The following USP34 variants were observed in gnomAD, a reference collection of about 807,000 sequenced individuals.
The protein encoded by USP34 is ubiquitin carboxyl-terminal hydrolase 34.
In USP34, 70 loss-of-function variants were observed where a neutral mutation model predicts 460.3. That is an observed-to-expected ratio of 0.15 (90% CI 0.13 to 0.19). USP34 has a LOEUF of 0.19. Among genes scored for constraint, USP34 ranks in the 10% least tolerant of loss-of-function variants. USP34 has a pLI of 1.00. For missense variants in USP34, 3,985 were observed against 4,236.2 expected, an observed-to-expected ratio of 0.94 and a Z score of 1.65; for synonymous variants, 1,647 against 1,405.3, an observed-to-expected ratio of 1.17 and a Z score of -3.85.
intron 48 of USP34, among the ~76,000 whole-genome samples, chr2:61,252,504 C>T (rs572503114): frequency 6.6e-6 from 1 of 152,068 alleles, no homozygotes; most frequent in Non-Finnish European, 1.5e-5. Flanking sequence ...TATACAAACT[C>T]TGATTTACAA....
Position 61,319,455 on chromosome 2 carries a change from T to A in USP34, c.3014-128A>T, listed in dbSNP as rs147971847. 10 of 509,894 alleles carry A rather than the reference T, an allele frequency of 2.0e-5. No individual in the cohort carries two copies. The Admixed American group carries it at 2.5e-4, about 13-fold the overall frequency. 31.6% of individuals were successfully genotyped at this position (509,894 alleles called of 1,614,324 possible). A position where few individuals can be genotyped will look rare whatever the true frequency, so the allele number is the denominator to read the frequency against. ...AGGTTCTTGGAAATTGCAATTTTAA[T>A]TGAAATGATGCATAATGAAACTAAC... On this transcript the variant is annotated intron_variant, in intron 21 of 79. Transcript: ENST00000398571.
chr2:61,251,153 A>T (rs1373167360), intron 48 of USP34, among the ~76,000 whole-genome samples: 1 of 152,158 alleles, frequency 6.6e-6, no homozygotes, highest in Non-Finnish European at 1.5e-5. Context: ...AAATAAATAA[A>T]TAAATAAGTA....
intron 1 of USP34, among the ~76,000 whole-genome samples, chr2:61,458,916 A>G (rs1407319229): frequency 6.6e-6 from 1 of 151,996 alleles, no homozygotes; most frequent in Non-Finnish European, 1.5e-5. Flanking sequence ...ATTTACAAAA[A>G]TGAGCCGGGC....
intron 75 of USP34, among the ~76,000 whole-genome samples, chr2:61,202,292 T>C (rs975089794): frequency 3.3e-5 from 5 of 152,126 alleles, no homozygotes; most frequent in African/African-American, 1.2e-4. Context: ...GGTATGGCAA[T>C]ATTTTATTTC....
chr2:61,352,587 C>G (rs1691972602), intron 10 of USP34, among the ~76,000 whole-genome samples: 1 of 149,886 alleles, frequency 6.7e-6, no homozygotes, highest in Non-Finnish European at 1.5e-5. Flanking sequence ...CTCAGCCTCG[C>G]AAAGTGCTGA....
In USP34 at chr2:61,405,853, T is replaced by C. The variant is rs748224585; in HGVS notation, c.407A>G (p.Glu136Gly). ...SNSTRICNLT[E>G]EESSKSSDPF... ...ATCAGAACTCTTTGAAGATTCCTCC[T>C]CAGTCAGATTACAAATTCTTGTAGA... The change falls in exon 3 of 80, where the codon GAG becomes GGG. Residue 136 changes from glutamate to glycine, a missense_variant. Physicochemically the swap from Glu to Gly is moderately conservative, Grantham distance 98. Around this residue, in one of 14 missense-constraint regions of USP34, gnomAD observed 331 missense variants for 293.7 expected, o/e 1.13. Transcript: ENST00000398571. The C allele has an allele frequency of 6.2e-7, 1 of 1,613,944 alleles. No individual in the cohort carries two copies. Among genetic ancestry groups the C allele is most frequent in the South Asian group, 1.1e-5 (1 of 91,064 alleles).
chr2:61,297,931 C>G (rs1466238517), intron 29 of USP34, among the ~76,000 whole-genome samples: 1 of 152,014 alleles, frequency 6.6e-6, no homozygotes, highest in African/African-American at 2.4e-5. Context: ...AAGCAACCCT[C>G]GAGTAACACT....
chr2:61,298,406 C>T (rs1475172451), intron 29 of USP34, among the ~76,000 whole-genome samples: 3 of 143,262 alleles, frequency 2.1e-5, no homozygotes, highest in African/African-American at 2.6e-5. Flanking sequence ...GGCGTGGTGG[C>T]GTGCGCCTGT....
intron 8 of USP34, among the ~76,000 whole-genome samples, chr2:61,371,737 A>C (rs1257555741): frequency 6.6e-6 from 1 of 152,162 alleles, no homozygotes; most frequent in Non-Finnish European, 1.5e-5. Context: ...ATCACTCACC[A>C]ACTCACCCAG....
At position 61,375,298 on chromosome 2, in the gene USP34, G is replaced by A. The variant is rs148412424; in HGVS notation, c.1076+3065C>T. ...GGAAACCTCCTACAATGCTAGTGGG[G>A]ATGTAAAATAATGCAGGTATACTGG... On this transcript the variant is annotated intron_variant, in intron 8 of 79. Coordinates refer to ENST00000398571, the MANE Select transcript of USP34 (RefSeq NM_014709.4). Among the ~76,000 whole-genome samples, 564 of 152,268 alleles carry A rather than the reference G, an allele frequency of 3.7e-3. 25 individuals are homozygous for A. The East Asian group carries it at 0.097, about 26-fold the overall frequency.
chr2:61,321,961 G>A (rs1266726999), intron 21 of USP34, among the ~76,000 whole-genome samples: 1 of 152,202 alleles, frequency 6.6e-6, no homozygotes, highest in East Asian at 1.9e-4. Context: ...GGGCACGGTG[G>A]CTCACACCTG....
chr2:61,286,623 T>C (rs1460638073), intron 34 of USP34, among the ~76,000 whole-genome samples: 1 of 151,970 alleles, frequency 6.6e-6, no homozygotes, highest in Non-Finnish European at 1.5e-5. Flanking sequence ...CCAGTGCACT[T>C]CAGCTTGGGC....
Position 61,260,531 on chromosome 2 carries a change from G to C in USP34, c.5779-755C>G, listed in dbSNP as rs539945266. Reference sequence around the variant, plus strand: ...AGTTATTTTTGCCAGCTTTATGGAAGACTGCAAGTAATATGGCTCTGCTGT... The same window carrying C: ...AGTTATTTTTGCCAGCTTTATGGAACACTGCAAGTAATATGGCTCTGCTGT... On this transcript the variant is annotated intron_variant, in intron 43 of 79. Coordinates refer to ENST00000398571, the MANE Select transcript of USP34 (RefSeq NM_014709.4). Among the ~76,000 whole-genome samples the C allele has an allele frequency of 3.3e-5, 5 of 152,270 alleles. No homozygotes were observed. In the East Asian group the frequency reaches 9.6e-4, roughly 29 times the overall value.
chr2:61,362,252 T>C (rs960368937), intron 10 of USP34, among the ~76,000 whole-genome samples: 1 of 152,140 alleles, frequency 6.6e-6, no homozygotes, highest in East Asian at 1.9e-4. Flanking sequence ...ACATGGACGT[T>C]CCTCAAAAAA....
intron 1 of USP34, among the ~76,000 whole-genome samples, chr2:61,428,516 A>G (rs1390910454): frequency 6.6e-6 from 1 of 152,182 alleles, no homozygotes; most frequent in Non-Finnish European, 1.5e-5. Flanking sequence ...CACTCCAACC[A>G]ACCCCATGGA....
intron 15 of USP34, 115 bp from the exon 16 acceptor site, chr2:61,344,144 G>T: frequency 1.1e-6 from 1 of 895,424 alleles, no homozygotes; most frequent in Non-Finnish European, 1.7e-6. Flanking sequence ...ACCGACATCT[G>T]CTTATTAACA....
chr2:61,314,786 C>G (rs749239528), intron 24 of USP34, 42 bp from the exon 25 acceptor site: 2 of 1,578,198 alleles, frequency 1.3e-6, no homozygotes, highest in Non-Finnish European at 1.7e-6. Flanking sequence ...GCCTTATATT[C>G]TTGTTTAGCT....
intron 10 of USP34, among the ~76,000 whole-genome samples, chr2:61,358,676 T>C (rs1408573605): frequency 6.6e-6 from 1 of 152,152 alleles, no homozygotes; most frequent in Non-Finnish European, 1.5e-5. Flanking sequence ...GATGTAAAAC[T>C]ATCTCTAATT....
intron 75 of USP34, chr2:61,200,220 T>G (rs918586924): frequency 6.6e-6 from 1 of 152,138 alleles, no homozygotes; most frequent in African/African-American, 2.4e-5. Context: ...TGTGGCTAAT[T>G]AAAAAAAATG....
Sources: gnomAD v4.1 joint callset for allele counts (sites outside exome capture counted in the v4.1 genomes callset) on GRCh38, gnomAD v4.1.1 for gene constraint, gnomAD v4.1.1 regional missense constraint, MANE v1.5 for transcripts, NCBI Gene and HGNC (gene_info 2026-07-23, HGNC 2026-07-21) for gene names.